The following CUEDC1 variants were observed in gnomAD, a reference collection of about 807,000 sequenced individuals.
The protein encoded by CUEDC1 is CUE domain containing 1.
CUEDC1 carries 30 observed loss-of-function variants against 43.7 expected under a neutral mutation model. The observed-to-expected ratio is 0.69, with a 90% confidence interval of 0.51 to 0.93. The LOEUF is 0.93. Among genes scored for constraint, CUEDC1 ranks in the 40% least tolerant of loss-of-function variants. The probability of loss-of-function intolerance (pLI) is 0.00; values close to 1 mark genes in which losing one functional copy is unlikely to be tolerated. For synonymous variants in CUEDC1, 223 were observed against 223.6 expected, an observed-to-expected ratio of 1.00 and a Z score of 0.02; for missense variants, 486 against 549.0, an observed-to-expected ratio of 0.89 and a Z score of 1.15.
chr17:57,950,324 T>C (rs1364157183), intron 1 of CUEDC1, among the ~76,000 whole-genome samples: 1 of 151,822 alleles, frequency 6.6e-6, no homozygotes. Context: ...ATAATTTTTT[T>C]GTACTTTAGT....
chr17:57,938,652 TTTA>T (rs1194424999), intron 1 of CUEDC1, among the ~76,000 whole-genome samples: 2 of 151,764 alleles, frequency 1.3e-5, no homozygotes, highest in Admixed American at 6.6e-5. Flanking sequence ...ATTTTATTTA[TTTA>T]TTATTTATTT....
intron 1 of CUEDC1, among the ~76,000 whole-genome samples, chr17:57,950,743 G>T (rs2143249847): frequency 6.6e-6 from 1 of 152,306 alleles, no homozygotes; most frequent in Admixed American, 6.5e-5. Context: ...AAAGTGCTGG[G>T]ATTACAGGCG....
In CUEDC1 at chr17:57,866,552, GGA is replaced by G; in HGVS notation, c.1094-10_1094-9del. ...TGCCCCGGAAGTCTTCATCTGAAAA[GGA>G]GAGGGAAGCTGCCTCATCCTCTACC... On this transcript the variant is annotated splice_polypyrimidine_tract_variant and intron_variant, in intron 9 of 10. Transcript: ENST00000577830. 1.9e-6 allele frequency: 3 copies of G among 1,614,102 alleles called. No homozygotes were observed. Among genetic ancestry groups the G allele is most frequent in the Non-Finnish European group, 2.5e-6 (3 of 1,179,958 alleles).
intron 1 of CUEDC1, among the ~76,000 whole-genome samples, chr17:57,900,650 C>G (rs1325507933): frequency 6.6e-6 from 1 of 152,236 alleles, no homozygotes; most frequent in Non-Finnish European, 1.5e-5. Context: ...ATCATCATCA[C>G]CATTTTATAG....
At position 57,862,679 on chromosome 17, in the gene CUEDC1, G is replaced by A. The variant is rs2073897973; in HGVS notation, c.*610C>T. 6.6e-6 allele frequency: 1 copy of A among 152,340 alleles called. No homozygotes were observed. The highest frequency in any genetic ancestry group is 2.4e-5 in the African/African-American group (1 of 41,402). 9.4% of individuals were successfully genotyped at this position (152,340 alleles called of 1,614,324 possible). A position where few individuals can be genotyped will look rare whatever the true frequency, so the allele number is the denominator to read the frequency against. On this transcript the variant is annotated 3_prime_UTR_variant, in exon 11 of 11. Coordinates refer to ENST00000577830, the MANE Select transcript of CUEDC1 (RefSeq NM_001271875.2). ...AGCTCCTCAGAGTTCCTGGGGGACT[G>A]GCCAGGGACCTCCCACCCAGGCTGG...
intron 1 of CUEDC1, among the ~76,000 whole-genome samples, chr17:57,950,010 G>T (rs2074991221): frequency 6.6e-6 from 1 of 152,148 alleles, no homozygotes; most frequent in East Asian, 1.9e-4. Flanking sequence ...TGAAAAATTG[G>T]TATAATATCT....
intron 1 of CUEDC1, among the ~76,000 whole-genome samples, chr17:57,905,665 C>T (rs549427323): frequency 7.9e-5 from 12 of 152,326 alleles, no homozygotes; most frequent in African/African-American, 2.6e-4. Flanking sequence ...AGGGCACATC[C>T]ACATGCAGCC....
intron 1 of CUEDC1, among the ~76,000 whole-genome samples, chr17:57,942,899 GT>G (rs1361327754): frequency 6.6e-6 from 1 of 151,882 alleles, no homozygotes; most frequent in East Asian, 2.0e-4. Flanking sequence ...GTGGTGGCAG[GT>G]GCCTGTAGTC....
intron 2 of CUEDC1, among the ~76,000 whole-genome samples, chr17:57,881,533 T>C (rs960361855): frequency 6.6e-6 from 1 of 152,192 alleles, no homozygotes; most frequent in African/African-American, 2.4e-5. Flanking sequence ...AGGCACCCTG[T>C]TTCCCAGACC....
chr17:57,874,596 C>T (rs538057718), intron 3 of CUEDC1, among the ~76,000 whole-genome samples: 11 of 152,252 alleles, frequency 7.2e-5, no homozygotes, highest in African/African-American at 2.6e-4. Flanking sequence ...GCTCGGAGCC[C>T]GGCCAGGAGG....
chr17:57,861,260 CTGTTTATT>C lies in CUEDC1; in HGVS notation c.*2021_*2028del, dbSNP rs1465714771. Reference sequence around the variant, plus strand: ...CTCCAGTCTGCCTTTAATCCAGAAGCTGTTTATTTAGGGAGGTGGCCGTCTGGAGCTTT... The same window carrying C: ...CTCCAGTCTGCCTTTAATCCAGAAGCTAGGGAGGTGGCCGTCTGGAGCTTT... On this transcript the variant is annotated 3_prime_UTR_variant, in exon 11 of 11. Coordinates refer to ENST00000577830, the MANE Select transcript of CUEDC1 (RefSeq NM_001271875.2). The C allele has an allele frequency of 1.3e-5, 2 of 152,264 alleles. No individual in the cohort carries two copies. The highest frequency in any genetic ancestry group is 4.8e-5 in the African/African-American group (2 of 41,444). 9.4% of individuals were successfully genotyped at this position (152,264 alleles called of 1,614,324 possible).
chr17:57,891,348 C>T (rs1313585188), intron 1 of CUEDC1, among the ~76,000 whole-genome samples: 3 of 152,252 alleles, frequency 2.0e-5, no homozygotes, highest in Admixed American at 2.0e-4. Context: ...TGCTCTCATT[C>T]TCTTATACTC....
intron 1 of CUEDC1, among the ~76,000 whole-genome samples, chr17:57,933,873 C>T (rs73315810): frequency 0.044 from 6,685 of 152,170 alleles, 260 homozygotes; most frequent in African/African-American, 0.098. Context: ...CAAGACTCCC[C>T]AGGAGCATCT....
intron 1 of CUEDC1, among the ~76,000 whole-genome samples, chr17:57,910,123 G>A (rs2074568036): frequency 6.6e-6 from 1 of 152,058 alleles, no homozygotes; most frequent in Admixed American, 6.6e-5. Flanking sequence ...TGAGTAGCTG[G>A]GATCACAGGC....
At chr17:57,911,706 T>G (rs2074585045) in intron 1 of CUEDC1, among the ~76,000 whole-genome samples, 1 of 152,184 alleles carries the variant, frequency 6.6e-6, no homozygotes. Context: ...TTTCACCATG[T>G]TGGCCAGGCC....
chr17:57,880,301 A>C (rs1289767137), intron 2 of CUEDC1, among the ~76,000 whole-genome samples: 1 of 152,172 alleles, frequency 6.6e-6, no homozygotes, highest in African/African-American at 2.4e-5. Context: ...ACCTCGAACA[A>C]CCTGGCGCTG....
At chr17:57,896,487 G>GGGGTGTGT (rs375270781) in intron 1 of CUEDC1, among the ~76,000 whole-genome samples, 7,653 of 130,300 alleles carry the variant, frequency 0.059, 395 homozygotes, top group South Asian at 0.094. Context: ...TGCATTATGG[G>GGGGTGTGT]GTGTGTGTGT....
chr17:57,937,009 C>CAGGG (rs2074869069), intron 1 of CUEDC1, among the ~76,000 whole-genome samples: 1 of 151,800 alleles, frequency 6.6e-6, no homozygotes, highest in Admixed American at 6.6e-5. Context: ...TTAGTAGAGA[C>CAGGG]AGGGTTTCAC....
intron 3 of CUEDC1, among the ~76,000 whole-genome samples, chr17:57,877,817 GGAGGTTGCAGT>G (rs1251388446): frequency 6.6e-6 from 1 of 150,758 alleles, no homozygotes; most frequent in Non-Finnish European, 1.5e-5. Context: ...CCTGGGAGGC[GGAGGTTGCAGT>G]GAACAGAGAT....
Sources: gnomAD v4.1 joint callset for allele counts (sites outside exome capture counted in the v4.1 genomes callset) on GRCh38, gnomAD v4.1.1 for gene constraint, MANE v1.5 for transcripts, NCBI Gene and HGNC (gene_info 2026-07-23, HGNC 2026-07-21) for gene names.